PREX2: variants seen among roughly 807,000 people sequenced by gnomAD.
PREX2 encodes phosphatidylinositol-3,4,5-trisphosphate dependent Rac exchange factor 2.
Under a neutral mutation model 203.2 loss-of-function variants are expected in PREX2, and 107 were observed. That is an observed-to-expected ratio of 0.53 (90% CI 0.45 to 0.62). The LOEUF is 0.62. Among genes scored for constraint, PREX2 ranks in the 20% least tolerant of loss-of-function variants. The pLI is 0.00. For synonymous variants in PREX2, 672 were observed against 663.6 expected (o/e 1.01, Z -0.19); for missense variants, 1,777 against 1,955.9 (o/e 0.91, Z 1.72).
At chr8:68,201,353 G>T (rs1463759780) in intron 37 of PREX2, among the ~76,000 whole-genome samples, 3 of 152,028 alleles carry the variant, frequency 2.0e-5, no homozygotes, top group Non-Finnish European at 2.9e-5. Flanking sequence ...GAACTAATAG[G>T]GTAGATGTAT....
At chr8:68,090,207 G>C (rs1809827972) in intron 19 of PREX2, among the ~76,000 whole-genome samples, 1 of 152,128 alleles carries the variant, frequency 6.6e-6, no homozygotes, top group Non-Finnish European at 1.5e-5. Flanking sequence ...TAGAAATGTT[G>C]TAGAATAAAG....
chr8:67,986,909 T>G (rs576970858), intron 1 of PREX2, among the ~76,000 whole-genome samples: 37 of 152,128 alleles, frequency 2.4e-4, no homozygotes, highest in Non-Finnish European at 4.9e-4. Flanking sequence ...CTCACAGCTG[T>G]AATCCTAGCA....
intron 38 of PREX2, among the ~76,000 whole-genome samples, chr8:68,221,313 A>C (rs1353409476): frequency 2.0e-5 from 3 of 152,176 alleles, no homozygotes; most frequent in Non-Finnish European, 4.4e-5. Context: ...TGAATAAAAG[A>C]GAACAGACTC....
intron 23 of PREX2, chr8:68,106,401 C>T (rs1467308606): frequency 4.3e-6 from 2 of 467,010 alleles, no homozygotes; most frequent in African/African-American, 2.1e-5. Context: ...AAATTCCTTT[C>T]TTCAAAAAAT....
At chr8:68,101,843 G>T (rs1434764) in intron 23 of PREX2, among the ~76,000 whole-genome samples, 65,795 of 151,940 alleles carry the variant, frequency 0.43, 14,452 homozygotes, top group African/African-American at 0.49. Context: ...AAAAGTGGAA[G>T]TAGCTTAAAG....
At chr8:68,136,753 G>A (rs144518515) in intron 32 of PREX2, among the ~76,000 whole-genome samples, 1 of 152,092 alleles carries the variant, frequency 6.6e-6, no homozygotes, top group Admixed American at 6.5e-5. Context: ...AGGTACAAAG[G>A]TGACAGTTCT....
At chr8:67,978,214 C>CA (rs1465737938) in intron 1 of PREX2, among the ~76,000 whole-genome samples, 1 of 152,148 alleles carries the variant, frequency 6.6e-6, no homozygotes, top group East Asian at 1.9e-4. Context: ...TCTCCCCCCG[C>CA]ACATACACCT....
intron 15 of PREX2, among the ~76,000 whole-genome samples, chr8:68,079,986 A>C (rs1809463565): frequency 9.3e-6 from 1 of 107,434 alleles, no homozygotes; most frequent in Non-Finnish European, 2.1e-5. Flanking sequence ...AGTTGTTCAC[A>C]CAAGAAGGCA....
chr8:67,998,246 G>C (rs946709853), intron 1 of PREX2, among the ~76,000 whole-genome samples: 18 of 152,196 alleles, frequency 1.2e-4, no homozygotes, highest in African/African-American at 2.9e-4. Context: ...AATGCTGGAA[G>C]GTCTCAGAAG....
chr8:68,083,294 T>C lies in PREX2; in HGVS notation c.1933T>C (p.Phe645Leu), dbSNP rs1473693228. 2 of 1,609,882 alleles carry C rather than the reference T, an allele frequency of 1.2e-6. No individual in the cohort carries two copies. The highest frequency in any genetic ancestry group is 1.7e-6 in the Non-Finnish European group (2 of 1,177,182). ...KIFAINGDLV[F>L]MRPFNEVDCF... ...TTTTGCTATTAATGGTGACCTAGTT[T>C]TTATGAGACCTTTCAATGAAGTGGA... The change falls in exon 18 of 40, where the codon TTT (phenylalanine) becomes CTT (leucine). Residue 645 changes from phenylalanine to leucine, a missense_variant. Physicochemically the swap from Phe to Leu is conservative, Grantham distance 22. Transcript: ENST00000288368.
intron 36 of PREX2, 65 bp from the exon 37 acceptor site, chr8:68,192,269 AC>A: frequency 7.8e-7 from 1 of 1,280,078 alleles, no homozygotes; most frequent in Non-Finnish European, 1.1e-6. Flanking sequence ...TAACAGCTAT[AC>A]CAACCTATCT....
intron 1 of PREX2, among the ~76,000 whole-genome samples, chr8:67,987,066 T>A (rs1806452615): frequency 7.0e-6 from 1 of 142,416 alleles, no homozygotes; most frequent in South Asian, 2.2e-4. Context: ...GGCAGGAGAA[T>A]GGTGTGAACC....
intron 34 of PREX2, 40 bp from the exon 35 acceptor site, chr8:68,157,282 T>G (rs1482505229): frequency 1.8e-6 from 2 of 1,113,402 alleles, no homozygotes; most frequent in Non-Finnish European, 2.7e-6. Context: ...GAAATTGAGT[T>G]ATAAAGTTGC....
At chr8:68,106,412 G>A (rs1810414322) in intron 23 of PREX2, 2 of 459,974 alleles carry the variant, frequency 4.3e-6, no homozygotes, top group African/African-American at 2.1e-5. Context: ...TTCAAAAAAT[G>A]TTTAGGATAA....
intron 23 of PREX2, among the ~76,000 whole-genome samples, chr8:68,101,702 A>G (rs910420557): frequency 6.6e-6 from 1 of 152,206 alleles, no homozygotes; most frequent in African/African-American, 2.4e-5. Context: ...GTTCTACTTT[A>G]GAAATGGATC....
intron 5 of PREX2, 21 bp downstream of exon 5, chr8:68,027,344 T>G (rs1444102600): frequency 7.3e-7 from 1 of 1,376,672 alleles, no homozygotes; most frequent in Non-Finnish European, 1.0e-6. Context: ...TGCTACCTCA[T>G]TGTAGCCATT....
In PREX2 at chr8:68,105,349, G is replaced by T. The variant is rs35559159; in HGVS notation, c.2716-2760G>T. 0.018 allele frequency: 24,045 copies of T among 1,366,828 alleles called. 251 individuals are homozygous for T. The highest frequency in any genetic ancestry group is 0.021 in the Non-Finnish European group (21,791 of 1,021,634). The allele number at this position is 1,366,828 out of a possible 1,614,324, so 84.7% of individuals were successfully genotyped here. A position where few individuals can be genotyped will look rare whatever the true frequency, so the allele number is the denominator to read the frequency against. ...TCTCAAGAAATGCTCTTAGCAGAGAGGGCCCCTGTCTGATTCTTACCCTTT... is the reference window on the plus strand; with the variant it reads ...TCTCAAGAAATGCTCTTAGCAGAGATGGCCCCTGTCTGATTCTTACCCTTT... On this transcript the variant is annotated intron_variant, in intron 23 of 39. Transcript: ENST00000288368.
At chr8:68,200,587 T>C (rs1168645814) in intron 37 of PREX2, among the ~76,000 whole-genome samples, 1 of 149,346 alleles carries the variant, frequency 6.7e-6, no homozygotes, top group Non-Finnish European at 1.5e-5. Flanking sequence ...GTGGTCATAT[T>C]TGCATGTGAT....
intron 1 of PREX2, among the ~76,000 whole-genome samples, chr8:67,960,458 G>T (rs997504799): frequency 6.6e-6 from 1 of 152,110 alleles, no homozygotes; most frequent in Non-Finnish European, 1.5e-5. Flanking sequence ...TCACCAGCCT[G>T]GTCTGTCAGT....
Sources: allele counts gnomAD v4.1 joint callset (sites outside exome capture counted in the v4.1 genomes callset), GRCh38; gene constraint gnomAD v4.1.1; transcripts MANE v1.5; gene names NCBI Gene and HGNC (gene_info 2026-07-23, HGNC 2026-07-21).